The following DDX10 variants were observed in gnomAD, a reference collection of about 807,000 sequenced individuals.
DDX10 encodes probable ATP-dependent RNA helicase DDX10.
A neutral mutation model predicts 104.3 loss-of-function variants in DDX10; 74 were observed. The observed-to-expected ratio is 0.71, with a 90% CI of 0.59 to 0.86. The LOEUF (loss-of-function observed/expected upper bound fraction) is 0.86. Among genes scored for constraint, DDX10 ranks in the 40% least tolerant of loss-of-function variants. The pLI, the probability that DDX10 is intolerant of heterozygous loss-of-function variation, is 0.00. For synonymous variants in DDX10, 351 were observed against 353.4 expected (o/e 0.99, Z 0.08); for missense variants, 952 against 1,040.0 (o/e 0.92, Z 1.16).
chr11:108,888,310 G>C (rs1324824718), intron 16 of DDX10, among the ~76,000 whole-genome samples: 1 of 152,112 alleles, frequency 6.6e-6, no homozygotes, highest in African/African-American at 2.4e-5. Context: ...CACATACCAT[G>C]GGTGGCTCCA....
chr11:108,719,717 T>C (rs1432458580), intron 11 of DDX10, 80 bp from the exon 12 acceptor site: 3 of 788,934 alleles, frequency 3.8e-6, no homozygotes, highest in African/African-American at 1.8e-5. Flanking sequence ...ATTTATCCCA[T>C]TGGCTAATTT....
intron 14 of DDX10, 103 bp downstream of exon 14, chr11:108,838,668 C>G: frequency 7.6e-7 from 1 of 1,308,910 alleles, no homozygotes; most frequent in Non-Finnish European, 1.0e-6. Flanking sequence ...AAATGTTTCT[C>G]TACAGCATGC....
intron 17 of DDX10, among the ~76,000 whole-genome samples, chr11:108,925,406 C>A (rs1312028140): frequency 6.6e-6 from 1 of 152,210 alleles, no homozygotes; most frequent in Non-Finnish European, 1.5e-5. Flanking sequence ...GCGCCAGGAT[C>A]TCTAAGAAGG....
At chr11:108,743,782 AG>A (rs1400332527) in intron 13 of DDX10, among the ~76,000 whole-genome samples, 2 of 152,108 alleles carry the variant, frequency 1.3e-5, no homozygotes. Flanking sequence ...TAACCTTGGT[AG>A]AGGGAGTGGC....
chr11:108,671,057 T>C (rs1166302448), intron 1 of DDX10, among the ~76,000 whole-genome samples: 2 of 152,194 alleles, frequency 1.3e-5, no homozygotes, highest in African/African-American at 4.8e-5. Context: ...CCCTGAAATA[T>C]CTCTTCCCTG....
rs75034979 is a variant in DDX10, at chr11:108,887,959, T to C, written c.2305-29914T>C. Reference sequence around the variant, plus strand: ...AAAAAGAAAAGAAATACAGCTTTTTTCCCCCCCACTTTCTAGTTACTAAAT... The same window carrying C: ...AAAAAGAAAAGAAATACAGCTTTTTCCCCCCCCACTTTCTAGTTACTAAAT... On this transcript the variant is annotated intron_variant, in intron 16 of 17. Coordinates refer to ENST00000322536, the MANE Select transcript of DDX10 (RefSeq NM_004398.4). 6.0e-3 allele frequency among the ~76,000 whole-genome samples: 914 copies of C among 151,512 alleles called. 7 individuals carry two copies. The highest frequency in any genetic ancestry group is 9.5e-3 in the African/African-American group (394 of 41,346).
chr11:108,811,665 G>A (rs1214543551), intron 13 of DDX10, among the ~76,000 whole-genome samples: 1 of 152,040 alleles, frequency 6.6e-6, no homozygotes, highest in African/African-American at 2.4e-5. Flanking sequence ...TTGTTTAAAA[G>A]TGGTCATCCA....
intron 16 of DDX10, among the ~76,000 whole-genome samples, chr11:108,892,962 G>A (rs943559336): frequency 1.3e-5 from 2 of 152,062 alleles, no homozygotes; most frequent in Non-Finnish European, 2.9e-5. Flanking sequence ...TGCCCTGTAA[G>A]TTCCAACTCA....
chr11:108,687,660 T>C (rs1184791595), intron 6 of DDX10, among the ~76,000 whole-genome samples: 2 of 152,236 alleles, frequency 1.3e-5, no homozygotes, highest in Non-Finnish European at 2.9e-5. Context: ...TTAAGAGTTG[T>C]TTGTATATTT....
chr11:108,833,227 A>G (rs572206553), intron 13 of DDX10, among the ~76,000 whole-genome samples: 104 of 152,338 alleles, frequency 6.8e-4, no homozygotes, highest in Admixed American at 2.0e-3. Context: ...AAGTTCCTTG[A>G]CATGCTCTTC....
chr11:108,803,534 C>T (rs1026337521), intron 13 of DDX10, among the ~76,000 whole-genome samples: 1 of 138,704 alleles, frequency 7.2e-6, no homozygotes, highest in African/African-American at 2.8e-5. Flanking sequence ...GCAGAGGTTG[C>T]GGTGAGCTGA....
chr11:108,697,915 A>G (rs1291564919), intron 9 of DDX10, among the ~76,000 whole-genome samples: 1 of 152,192 alleles, frequency 6.6e-6, no homozygotes, highest in Non-Finnish European at 1.5e-5. Context: ...GAAGATGGGC[A>G]TTTATATATA....
intron 13 of DDX10, among the ~76,000 whole-genome samples, chr11:108,827,411 A>G (rs571780664): frequency 2.0e-5 from 3 of 152,336 alleles, no homozygotes; most frequent in Non-Finnish European, 4.4e-5. Flanking sequence ...AAGAAATTAC[A>G]GTAACAGAGT....
intron 16 of DDX10, among the ~76,000 whole-genome samples, chr11:108,902,580 A>G (rs1291206952): frequency 6.6e-6 from 1 of 152,160 alleles, no homozygotes; most frequent in African/African-American, 2.4e-5. Flanking sequence ...CCCTGTTGTA[A>G]GCTAAAAAGT....
intron 13 of DDX10, among the ~76,000 whole-genome samples, chr11:108,831,849 G>A (rs918044815): frequency 6.6e-6 from 1 of 152,034 alleles, no homozygotes; most frequent in East Asian, 1.9e-4. Flanking sequence ...ACTGGTGGTG[G>A]CAGCAGTTCT....
At chr11:108,906,675 ATATCT>A (rs1293445728) in intron 16 of DDX10, among the ~76,000 whole-genome samples, 3 of 152,220 alleles carry the variant, frequency 2.0e-5, no homozygotes, top group Non-Finnish European at 4.4e-5. Context: ...CTTTTACTTA[ATATCT>A]TATTTAGTGT....
intron 9 of DDX10, among the ~76,000 whole-genome samples, chr11:108,696,058 CT>C (rs2094259417): frequency 6.6e-6 from 1 of 152,048 alleles, no homozygotes; most frequent in Non-Finnish European, 1.5e-5. Context: ...AACTTTCTTT[CT>C]TCTTGGAACT....
In DDX10 at chr11:108,869,999, TTAGTTAA is replaced by T. The variant is rs561932699; in HGVS notation, c.2304+17795_2304+17801del. 2.2e-3 allele frequency among the ~76,000 whole-genome samples: 328 copies of T among 152,206 alleles called. 2 individuals are homozygous for T. The highest frequency in any genetic ancestry group is 7.5e-3 in the African/African-American group (311 of 41,556). On this transcript the variant is annotated intron_variant, in intron 16 of 17. Coordinates refer to ENST00000322536, the MANE Select transcript of DDX10 (RefSeq NM_004398.4). ...GTGAAGTCCATATAACATCTGGAGT[TTAGTTAA>T]TAGTAATATACCAGTGTTGGTTTCT...
chr11:108,904,552 A>G (rs2134651481), intron 16 of DDX10, among the ~76,000 whole-genome samples: 1 of 152,314 alleles, frequency 6.6e-6, no homozygotes, highest in Middle Eastern at 3.4e-3. Flanking sequence ...ACCTGCAAAG[A>G]GTAGTTTTTC....
Sources: allele counts gnomAD v4.1 joint callset (sites outside exome capture counted in the v4.1 genomes callset), GRCh38; gene constraint gnomAD v4.1.1; transcripts MANE v1.5; gene names NCBI Gene and HGNC (gene_info 2026-07-23, HGNC 2026-07-21).